F7: variants seen among roughly 807,000 people sequenced by gnomAD.
F7 encodes coagulation factor VII, also known as FVII coagulation protein.
F7 carries 38 observed loss-of-function variants against 47.5 expected under a neutral mutation model. The ratio of observed to expected loss-of-function variants is 0.80; its 90% CI spans 0.62 to 1.05. The LOEUF (loss-of-function observed/expected upper bound fraction) is 1.05. Ranked by LOEUF, F7 falls within the 50% of genes least tolerant of loss-of-function variation. The pLI, the probability that F7 is intolerant of heterozygous loss-of-function variation, is 0.00. For missense variants in F7, 575 were observed against 605.4 expected (o/e 0.95, Z 0.53); for synonymous variants, 244 against 258.5 (o/e 0.94, Z 0.54).
chr13:113,114,078 G>C, intron 4 of F7, 118 bp downstream of exon 4: 1 of 1,064,332 alleles, frequency 9.4e-7, no homozygotes, highest in South Asian at 1.3e-5. Flanking sequence ...CGGGCATTCA[G>C]GGCTCAGCCC....
Position 113,107,293 on chromosome 13 carries a change from T to A in F7, c.64+1388T>A, listed in dbSNP as rs570778282. ...CCCGGGGGCGTGGGTGTCCCAGGAG[T>A]GTGGGTGTCCCGGGGGCGTGGGTGT... On this transcript the variant is annotated intron_variant, in intron 1 of 7. Transcript: ENST00000346342. Among the ~76,000 whole-genome samples, 552 of 67,178 alleles carry A rather than the reference T, an allele frequency of 8.2e-3. 5 individuals are homozygous for A. The highest frequency in any genetic ancestry group is 0.034 in the African/African-American group (527 of 15,310). 44.1% of individuals were successfully genotyped at this position (67,178 alleles called of 152,430 possible). A position where few individuals can be genotyped will look rare whatever the true frequency, so the allele number is the denominator to read the frequency against.
intron 2 of F7, among the ~76,000 whole-genome samples, chr13:113,112,361 C>T (rs1328822932): frequency 6.7e-6 from 1 of 150,248 alleles, no homozygotes; most frequent in East Asian, 2.0e-4. Flanking sequence ...ACACCTCACT[C>T]TCACAGGACA....
Position 113,113,862 on chromosome 13 carries a change from C to T in F7, c.266C>T (p.Ala89Val), listed in dbSNP as rs1268176734. The T allele has an allele frequency of 1.2e-6, 2 of 1,614,200 alleles. No individual in the cohort carries two copies. Among genetic ancestry groups the T allele is most frequent in the Non-Finnish European group, 8.5e-7 (1 of 1,180,038 alleles). ...CACTCCACAGATGGGGACCAGTGTGCCTCAAGTCCATGCCAGAATGGGGGC... is the reference window on the plus strand; with the variant it reads ...CACTCCACAGATGGGGACCAGTGTGTCTCAAGTCCATGCCAGAATGGGGGC... ...WISYSDGDQC[A>V]SSPCQNGGSC... is the part of the protein sequence containing the mutation. The change falls in exon 4 of 8, where the codon GCC becomes GTC. Residue 89 changes from alanine to valine, a missense_variant. Ala to Val is a moderately conservative substitution (Grantham distance 64). Coordinates refer to ENST00000346342, the MANE Select transcript of F7 (RefSeq NM_019616.4). The surrounding 1 kb of genome is among the most constrained non-coding windows in gnomAD (Gnocchi z 4.1).
At chr13:113,115,904 AGCACTAACTAT>A in intron 5 of F7, 104 bp downstream of exon 5, 3 of 1,495,544 alleles carry the variant, frequency 2.0e-6, no homozygotes, top group Non-Finnish European at 2.8e-6. Flanking sequence ...ACATCTACTG[AGCACTAACTAT>A]GCACTGACCA....
intron 4 of F7, chr13:113,114,624 G>A (rs1278454484): frequency 1.9e-5 from 3 of 157,248 alleles, no homozygotes; most frequent in Non-Finnish European, 4.2e-5. Context: ...GAGCCCCGGT[G>A]TCCAGAGGTT....
chr13:113,106,799 T>C (rs1189589410), intron 1 of F7: 2 of 1,547,508 alleles, frequency 1.3e-6, no homozygotes, highest in East Asian at 4.8e-5. Context: ...GCTGCAGCCC[T>C]AGCTCACAGC....
chr13:113,110,335 T>G (rs498187), intron 1 of F7: 247,403 of 248,844 alleles, frequency 0.99, 123,008 homozygotes, highest in South Asian at 1. Flanking sequence ...CCCCAGGGGG[T>G]TGCCCGGCAC....
intron 1 of F7, among the ~76,000 whole-genome samples, chr13:113,107,870 G>GT (rs1243242892): frequency 1.1e-5 from 1 of 91,512 alleles, no homozygotes; most frequent in African/African-American, 3.8e-5. Flanking sequence ...TGTCCCGGGG[G>GT]CGTGGGTGTT....
At chr13:113,108,194 C>T (rs1215390699) in intron 1 of F7, among the ~76,000 whole-genome samples, 6 of 722 alleles carry the variant, frequency 8.3e-3, no homozygotes, top group Admixed American at 0.017. Flanking sequence ...GTTCCGGAGG[C>T]GAGGGTGTCC....
rs748874982 is a variant in F7, at chr13:113,116,835, TG to T, written c.581del (p.Gly194AlafsTer17). 3.7e-6 allele frequency: 6 copies of T among 1,613,714 alleles called. No homozygotes were observed. Among genetic ancestry groups the T allele is most frequent in the Non-Finnish European group, 5.1e-6 (6 of 1,180,034 alleles). ...RNASKPQGRI[V>X]GGKVCPKGEC... The stretch of plus-strand genomic sequence containing the variant: ...GCCAGCAAACCCCAAGGCCGAATTG[TG>T]GGGGGCAAGGTGTGCCCCAAAGGGG... On this transcript the variant is annotated frameshift_variant, in exon 6 of 8. Transcript: ENST00000346342. LOFTEE classifies it high-confidence loss of function.
intron 4 of F7, among the ~76,000 whole-genome samples, chr13:113,114,251 C>G (rs1314421299): frequency 6.6e-6 from 1 of 152,174 alleles, no homozygotes; most frequent in Non-Finnish European, 1.5e-5. Context: ...GTGTCCCTGT[C>G]CCACTTCCAC....
chr13:113,118,658 G>T lies in F7; in HGVS notation c.985G>T (p.Gly329Cys). The change falls in exon 8 of 8, where the codon GGC becomes TGC. Residue 329 changes from glycine to cysteine, a missense_variant. By Grantham distance (159) the Gly-to-Cys change is radical. Transcript: ENST00000346342. ...VSGWGQLLDR[G>C]ATALELMVLN... ...CGGCTGGGGCCAGCTGCTGGACCGTGGCGCCACGGCCCTGGAGCTCATGGT... is the reference window on the plus strand; with the variant it reads ...CGGCTGGGGCCAGCTGCTGGACCGTTGCGCCACGGCCCTGGAGCTCATGGT... 6.2e-7 allele frequency: 1 copy of T among 1,612,880 alleles called. No homozygotes were observed.
Position 113,120,585 on chromosome 13 carries a change from GCAT to G in F7, c.*1582_*1584del, listed in dbSNP as rs1463307368. ...AGCAACCCACCTCGGGGGCACTCAG[GCAT>G]CATCTACTTCAGAGCAGACAGGGTC... On this transcript the variant is annotated 3_prime_UTR_variant, in exon 8 of 8. Coordinates refer to ENST00000346342, the MANE Select transcript of F7 (RefSeq NM_019616.4). 1.3e-5 allele frequency: 2 copies of G among 154,376 alleles called. No individual in the cohort carries two copies. The highest frequency in any genetic ancestry group is 4.8e-5 in the African/African-American group (2 of 41,486). The allele number at this position is 154,376 out of a possible 1,614,324, so 9.6% of individuals were successfully genotyped here. A position where few individuals can be genotyped will look rare whatever the true frequency, so the allele number is the denominator to read the frequency against.
intron 5 of F7, 134 bp downstream of exon 5, chr13:113,115,934 G>A: frequency 7.5e-7 from 1 of 1,327,984 alleles, no homozygotes; most frequent in South Asian, 1.2e-5. Context: ...CAATTGTGAG[G>A]TGGGATCTGG....
In F7 at chr13:113,117,732, A is replaced by G. The variant is rs541936285; in HGVS notation, c.739+136A>G. The G allele has an allele frequency of 8.7e-6, 13 of 1,494,564 alleles. No homozygotes were observed. In the African/African-American group the frequency reaches 1.9e-4, roughly 22 times the overall value. The allele number at this position is 1,494,564 out of a possible 1,614,324, so 92.6% of individuals were successfully genotyped here. A position where few individuals can be genotyped will look rare whatever the true frequency, so the allele number is the denominator to read the frequency against. ...GGTGGGTGCCACTCTCCCCTGTCCGACCGCGGTGCTGGGTGGGTGCCACTC... is the reference window on the plus strand; with the variant it reads ...GGTGGGTGCCACTCTCCCCTGTCCGGCCGCGGTGCTGGGTGGGTGCCACTC... On this transcript the variant is annotated intron_variant, in intron 7 of 7. Transcript: ENST00000346342.
intron 1 of F7, chr13:113,106,928 C>G: frequency 4.4e-6 from 7 of 1,593,258 alleles, no homozygotes; most frequent in Non-Finnish European, 5.1e-6. Context: ...GGGACTGCCA[C>G]TGGTTTTGTC....
Position 113,118,994 on chromosome 13 carries a change from GC to G in F7, c.1325del (p.Pro442HisfsTer32), listed in dbSNP as rs750457207. The G allele has an allele frequency of 6.4e-5, 103 of 1,599,880 alleles. No individual in the cohort carries two copies. Among genetic ancestry groups the G allele is most frequent in the Non-Finnish European group, 8.2e-5 (97 of 1,179,926 alleles). ...GCCACGCCCAGGAGTCCTCCTGCGA[GC>G]CCCATTTCCCTAGCCCAGCAGCCCT... ...SEPRPGVLLR[A>X]PFP On this transcript the variant is annotated frameshift_variant, in exon 8 of 8. Coordinates refer to ENST00000346342, the MANE Select transcript of F7 (RefSeq NM_019616.4). LOFTEE classifies it high-confidence loss of function.
intron 1 of F7, 46 bp downstream of exon 1, chr13:113,105,951 G>A (rs752605972): frequency 3.3e-6 from 5 of 1,529,368 alleles, no homozygotes; most frequent in Non-Finnish European, 8.9e-7. Context: ...GAAGGGCAGT[G>A]GGCAAATCCA....
At chr13:113,109,887 G>C (rs1012466001) in intron 1 of F7, among the ~76,000 whole-genome samples, 1 of 152,232 alleles carries the variant, frequency 6.6e-6, no homozygotes. Flanking sequence ...CGGCCTGCTC[G>C]GAGCTGAGCG....
Sources: allele counts gnomAD v4.1 joint callset (sites outside exome capture counted in the v4.1 genomes callset), GRCh38; gene constraint gnomAD v4.1.1; non-coding constraint Gnocchi (gnomAD v3.1); transcripts MANE v1.5; gene names NCBI Gene and HGNC (gene_info 2026-07-23, HGNC 2026-07-21).